Variants in KATNB1 observed in about 807,000 individuals in gnomAD.
The protein encoded by KATNB1 is katanin p80 WD40 repeat-containing subunit B1.
In KATNB1, 38 loss-of-function variants were observed where a neutral mutation model predicts 82.3. The observed-to-expected ratio is 0.46, with a 90% CI of 0.36 to 0.61. KATNB1 has a LOEUF of 0.61. KATNB1 is among the 20% of genes least tolerant of loss of function. The probability of loss-of-function intolerance (pLI) is 0.00; values close to 1 mark genes in which losing one functional copy is unlikely to be tolerated. For missense variants in KATNB1, 749 were observed against 915.7 expected (o/e 0.82, Z 2.35); for synonymous variants, 361 against 368.7 (o/e 0.98, Z 0.24).
chr16:57,753,897 GTGGCC>G, intron 12 of KATNB1, 43 bp from the exon 13 acceptor site: 2 of 1,599,468 alleles, frequency 1.3e-6, no homozygotes, highest in Non-Finnish European at 1.7e-6. Context: ...TGGGTCCCAG[GTGGCC>G]TGGCCAGGAG....
Position 57,751,868 on chromosome 16 carries a change from G to T in KATNB1, c.517-72G>T. 7.0e-7 allele frequency: 1 copy of T among 1,422,782 alleles called. No homozygotes were observed. The highest frequency in any genetic ancestry group is 9.8e-7 in the Non-Finnish European group (1 of 1,015,410). The allele number at this position is 1,422,782 out of a possible 1,614,324, so 88.1% of individuals were successfully genotyped here. A position where few individuals can be genotyped will look rare whatever the true frequency, so the allele number is the denominator to read the frequency against. On this transcript the variant is annotated intron_variant, in intron 7 of 19. Coordinates refer to ENST00000379661, the MANE Select transcript of KATNB1 (RefSeq NM_005886.3). This position sits in a 1 kb window ranked among gnomAD's most constrained non-coding sequence, Gnocchi z 6.3. ...AAGGTAGCTTGTGGATAAAGAGCTT[G>T]GCCTGGATTAGAGGGAGGGTGGGCA...
intron 2 of KATNB1, 110 bp downstream of exon 2, chr16:57,737,393 C>T (rs975311034): frequency 4.9e-6 from 6 of 1,233,314 alleles, no homozygotes; most frequent in African/African-American, 1.5e-5. Context: ...GGAGGAGACT[C>T]CTAGACTTGG....
Position 57,754,003 on chromosome 16 carries a change from G to C in KATNB1, c.1228+8G>C. 3 of 1,613,144 alleles carry C rather than the reference G, an allele frequency of 1.9e-6. No homozygotes were observed. On this transcript the variant is annotated splice_region_variant and intron_variant, in intron 13 of 19. Coordinates refer to ENST00000379661, the MANE Select transcript of KATNB1 (RefSeq NM_005886.3). The stretch of plus-strand genomic sequence containing the variant: ...CTGCACCCCCAGAGGACGGTGAGTT[G>C]GGTGAGCCTGGTTTCCCAAGGTCTC...
In KATNB1 at chr16:57,757,127, A is replaced by C; in HGVS notation, c.*181A>C. ...TCTACAGCCCTGAACTCTTGAGACAACTCTCTCCAGCAATAGCTGCCCAGC... is the reference window on the plus strand; with the variant it reads ...TCTACAGCCCTGAACTCTTGAGACACCTCTCTCCAGCAATAGCTGCCCAGC... On this transcript the variant is annotated 3_prime_UTR_variant, in exon 20 of 20. Transcript: ENST00000379661. 1.8e-6 allele frequency: 1 copy of C among 555,360 alleles called. No individual in the cohort carries two copies. The highest frequency in any genetic ancestry group is 2.7e-6 in the Non-Finnish European group (1 of 363,792). The allele number at this position is 555,360 out of a possible 1,614,324, so 34.4% of individuals were successfully genotyped here.
chr16:57,747,718 G>A (rs1337491890), intron 4 of KATNB1, among the ~76,000 whole-genome samples: 1 of 152,192 alleles, frequency 6.6e-6, no homozygotes, highest in Admixed American at 6.5e-5. Context: ...AAGGTGGGCA[G>A]CTCCCTGGAC....
At chr16:57,747,797 C>T (rs535566656) in intron 4 of KATNB1, among the ~76,000 whole-genome samples, 9 of 152,316 alleles carry the variant, frequency 5.9e-5, no homozygotes, top group South Asian at 2.1e-4. Context: ...AGGGAGAAGC[C>T]GAGGGCGCCG....
Position 57,756,383 on chromosome 16 carries a change from G to A in KATNB1, c.1746G>A (p.Leu582=). ...ACGTCCAGACGGGCTGCACCTCCCT[G>A]AAGCTGATCCTGCAGCGGTTTCTGC... ...ESYVQTGCTS[L]KLILQRFLPL... The change falls in exon 19 of 20, where the codon CTG becomes CTA. Residue 582 remains leucine, a synonymous_variant. Coordinates refer to ENST00000379661, the MANE Select transcript of KATNB1 (RefSeq NM_005886.3). 6.2e-7 allele frequency: 1 copy of A among 1,614,032 alleles called. No homozygotes were observed. The highest frequency in any genetic ancestry group is 8.5e-7 in the Non-Finnish European group (1 of 1,180,008).
chr16:57,755,051 G>GT, intron 14 of KATNB1, 54 bp downstream of exon 14: 2 of 1,613,484 alleles, frequency 1.2e-6, no homozygotes, highest in Non-Finnish European at 1.7e-6. Flanking sequence ...CTGACCCAGG[G>GT]TTGGGGGTGC....
Position 57,752,024 on chromosome 16 carries a change from G to A in KATNB1, c.601G>A (p.Glu201Lys), listed in dbSNP as rs2049232670. ...CAACGTGGTCGAGTTTCACCCCAAC[G>A]AGTACCTCCTGGCCTCCGGCAGCTC... Reference protein sequence around the residue: ...PVNVVEFHPNEYLLASGSSDR... With the variant: ...PVNVVEFHPNKYLLASGSSDR... Residue 201 changes from glutamate (E) to lysine (K), a missense_variant, in exon 8 of 20, where the codon GAG becomes AAG. Around this residue, in one of 3 missense-constraint regions of KATNB1, gnomAD observed 247 missense variants for 349.4 expected, o/e 0.71. Transcript: ENST00000379661. The A allele has an allele frequency of 6.2e-7, 1 of 1,612,914 alleles. No individual in the cohort carries two copies. The highest frequency in any genetic ancestry group is 8.5e-7 in the Non-Finnish European group (1 of 1,179,906).
intron 13 of KATNB1, among the ~76,000 whole-genome samples, chr16:57,754,245 G>A (rs1408928114): frequency 6.6e-6 from 1 of 152,084 alleles, no homozygotes; most frequent in Non-Finnish European, 1.5e-5. Flanking sequence ...ACACTGGGGG[G>A]CCTGCCAGGG....
At chr16:57,755,811 C>T in intron 16 of KATNB1, 30 bp from the exon 17 acceptor site, 8 of 1,561,012 alleles carry the variant, frequency 5.1e-6, no homozygotes, top group Non-Finnish European at 6.1e-6. Flanking sequence ...CCCCCACTGC[C>T]CCACCCCTGA....
At chr16:57,747,933 G>C (rs921161835) in intron 4 of KATNB1, among the ~76,000 whole-genome samples, 5 of 152,240 alleles carry the variant, frequency 3.3e-5, no homozygotes, top group African/African-American at 1.2e-4. Flanking sequence ...GACGGCCAGG[G>C]CTGGCTGCTC....
chr16:57,757,034 G>GTGGGCAC lies in KATNB1; in HGVS notation c.*88_*89insTGGGCAC. On this transcript the variant is annotated 3_prime_UTR_variant, in exon 20 of 20. Transcript: ENST00000379661. ...TCCTTGTGCACCCACTGGCCCATGA[G>GTGGGCAC]CCTCTGCCTGGCCCCTGCTGCTGTC... is the stretch of plus-strand genomic sequence containing the variant. 2 of 1,356,508 alleles carry GTGGGCAC rather than the reference G, an allele frequency of 1.5e-6. No individual in the cohort carries two copies. Among genetic ancestry groups the GTGGGCAC allele is most frequent in the Non-Finnish European group, 1.9e-6 (2 of 1,045,400 alleles). The allele number at this position is 1,356,508 out of a possible 1,614,324, so 84.0% of individuals were successfully genotyped here.
In KATNB1 at chr16:57,756,043, G is replaced by A; in HGVS notation, c.1695G>A (p.Lys565=). 1.2e-6 allele frequency: 2 copies of A among 1,610,160 alleles called. No individual in the cohort carries two copies. Among genetic ancestry groups the A allele is most frequent in the South Asian group, 1.1e-5 (1 of 91,086 alleles). The change falls in exon 18 of 20, where the codon AAG becomes AAA. Residue 565 remains lysine, a synonymous_variant. Coordinates refer to ENST00000379661, the MANE Select transcript of KATNB1 (RefSeq NM_005886.3). ...LCTTVLPQIE[K]LLQSKYESYV... ...CCACCGTCCTGCCACAGATTGAGAAGCTTCTGCAGAGCAAGTATGAGAGGT... is the reference window on the plus strand; with the variant it reads ...CCACCGTCCTGCCACAGATTGAGAAACTTCTGCAGAGCAAGTATGAGAGGT...
At position 57,737,217 on chromosome 16, in the gene KATNB1, G is replaced by A. The variant is rs2049107670; in HGVS notation, c.-27G>A. 2.5e-6 allele frequency: 4 copies of A among 1,613,806 alleles called. No individual in the cohort carries two copies. The East Asian group carries it at 6.7e-5, about 27-fold the overall frequency. On this transcript the variant is annotated 5_prime_UTR_variant, in exon 2 of 20. Transcript: ENST00000379661. ...GAAAGCACAGTTTATTTTGTGGGTGGGGCTTCAGGTGCCAGCCAGCTGAAG... is the reference window on the plus strand; with the variant it reads ...GAAAGCACAGTTTATTTTGTGGGTGAGGCTTCAGGTGCCAGCCAGCTGAAG...
At chr16:57,736,068 G>A in intron 1 of KATNB1, 1 of 152,880 alleles carries the variant, frequency 6.5e-6, no homozygotes. Flanking sequence ...GCCGGAGGGG[G>A]CAAAACCAGG....
Position 57,751,335 on chromosome 16 carries a change from C to T in KATNB1, c.432+33C>T. ...TGCGCTCTGTCGGTGACTCCATGAGCACCTTGCGGGCATTGAGTGTGGTGT... is the reference window on the plus strand; with the variant it reads ...TGCGCTCTGTCGGTGACTCCATGAGTACCTTGCGGGCATTGAGTGTGGTGT... On this transcript the variant is annotated intron_variant, in intron 6 of 19. Coordinates refer to ENST00000379661, the MANE Select transcript of KATNB1 (RefSeq NM_005886.3). The surrounding 1 kb of genome is among the most constrained non-coding windows in gnomAD (Gnocchi z 6.3). 1 of 1,605,670 alleles carries T rather than the reference C, an allele frequency of 6.2e-7. No individual in the cohort carries two copies. The highest frequency in any genetic ancestry group is 8.5e-7 in the Non-Finnish European group (1 of 1,172,448).
rs113265906 is a variant in KATNB1 at position 57,756,026 on chromosome 16, C to T, written c.1678C>T (p.Leu560=). The part of the protein sequence containing the change: ...LWKLDLCTTV[L]PQIEKLLQSK... ...GAAGCTGGACCTGTGCACCACCGTCCTGCCACAGATTGAGAAGCTTCTGCA... is the reference window on the plus strand; with the variant it reads ...GAAGCTGGACCTGTGCACCACCGTCTTGCCACAGATTGAGAAGCTTCTGCA... Residue 560 remains leucine, a synonymous_variant, in exon 18 of 20, where the codon CTG becomes TTG. Coordinates refer to ENST00000379661, the MANE Select transcript of KATNB1 (RefSeq NM_005886.3). 2.7e-4 allele frequency: 439 copies of T among 1,611,956 alleles called. 1 individual carries two copies. The African/African-American group carries it at 4.7e-3, about 17-fold the overall frequency.
intron 2 of KATNB1, among the ~76,000 whole-genome samples, chr16:57,741,124 G>C (rs1171766578): frequency 6.6e-6 from 1 of 152,208 alleles, no homozygotes; most frequent in Non-Finnish European, 1.5e-5. Context: ...CTGAGCCGAA[G>C]CCCTGTGCAG....
Sources: allele counts gnomAD v4.1 joint callset (sites outside exome capture counted in the v4.1 genomes callset), GRCh38; gene constraint gnomAD v4.1.1; regional missense constraint gnomAD v4.1.1; non-coding constraint Gnocchi (gnomAD v3.1); transcripts MANE v1.5; gene names NCBI Gene and HGNC (gene_info 2026-07-23, HGNC 2026-07-21).